Variants in TNFRSF11A observed in about 807,000 individuals in gnomAD.
TNFRSF11A encodes the protein tumor necrosis factor receptor superfamily member 11A.
A neutral mutation model predicts 55.7 loss-of-function variants in TNFRSF11A; 32 were observed. The observed-to-expected ratio is 0.57, with a 90% CI of 0.43 to 0.77. The LOEUF is 0.77. TNFRSF11A is among the 30% of genes least tolerant of loss of function. TNFRSF11A has a pLI of 0.00. For missense variants in TNFRSF11A, 753 were observed against 809.8 expected (o/e 0.93, Z 0.85); for synonymous variants, 311 against 331.0 (o/e 0.94, Z 0.65).
At chr18:62,358,225 G>GTTTTTT in intron 4 of TNFRSF11A, 23 bp from the exon 5 acceptor site, 2 of 1,460,790 alleles carry the variant, frequency 1.4e-6, no homozygotes, top group Non-Finnish European at 1.9e-6. Flanking sequence ...TGTCTGGGTT[G>GTTTTTT]TTTTTTTTTT....
chr18:62,379,014 C>T (rs900878367), intron 9 of TNFRSF11A, among the ~76,000 whole-genome samples: 4 of 152,278 alleles, frequency 2.6e-5, no homozygotes, highest in African/African-American at 9.6e-5. Flanking sequence ...TGGATTATGA[C>T]GTGCCATGGA....
chr18:62,364,084 G>A (rs776356337), intron 7 of TNFRSF11A, among the ~76,000 whole-genome samples: 8 of 152,314 alleles, frequency 5.3e-5, no homozygotes, highest in Non-Finnish European at 1.2e-4. Context: ...GCAAGAGAAG[G>A]TGCTGAGCAC....
intron 7 of TNFRSF11A, among the ~76,000 whole-genome samples, chr18:62,362,324 G>C (rs7240316): frequency 0.42 from 63,806 of 151,330 alleles, 13,993 homozygotes; most frequent in Middle Eastern, 0.53. Context: ...AACCCCATCT[G>C]TACTAAAAAT....
chr18:62,353,116 GA>G (rs1442891840), intron 3 of TNFRSF11A, among the ~76,000 whole-genome samples: 2 of 152,142 alleles, frequency 1.3e-5, no homozygotes, highest in Non-Finnish European at 2.9e-5. Flanking sequence ...AAGTCACCGT[GA>G]ACACTGAATT....
At position 62,349,821 on chromosome 18, in the gene TNFRSF11A, T is replaced by C; in HGVS notation, c.167T>C (p.Met56Thr). 6.2e-7 allele frequency: 1 copy of C among 1,614,086 alleles called. No homozygotes were observed. Among genetic ancestry groups the C allele is most frequent in the South Asian group, 1.1e-5 (1 of 91,082 alleles). The change falls in exon 3 of 10, where the codon ATG (methionine) becomes ACG (threonine). Residue 56 changes from methionine (M) to threonine (T), a missense_variant. By Grantham distance (81) the Met-to-Thr change is moderately conservative. Transcript: ENST00000586569. ...CCCTCATTTTTTTAAGGAAAGTACA[T>C]GTCTTCTAAATGCACTACTACCTCT... ...CCNKCEPGKY[M>T]SSKCTTTSDS...
rs369489962 is a variant in TNFRSF11A, at chr18:62,384,834, G to A, written c.1651G>A (p.Val551Ile). ...CAAGGGCGACATCATCGTGGTCTAC[G>A]TCAGCCAGACCTCGCAGGAGGGCGC... Reference protein sequence around the residue: ...NFKGDIIVVYVSQTSQEGAAA... With the variant: ...NFKGDIIVVYISQTSQEGAAA... Residue 551 changes from valine (V) to isoleucine (I), a missense_variant, in exon 10 of 10, where the codon GTC becomes ATC. Coordinates refer to ENST00000586569, the MANE Select transcript of TNFRSF11A (RefSeq NM_003839.4). 1.2e-6 allele frequency: 2 copies of A among 1,611,258 alleles called. No individual in the cohort carries two copies. Among genetic ancestry groups the A allele is most frequent in the Non-Finnish European group, 1.7e-6 (2 of 1,179,040 alleles).
chr18:62,390,655 G>T lies in TNFRSF11A; in HGVS notation c.*5621G>T, dbSNP rs1444596694. On this transcript the variant is annotated 3_prime_UTR_variant, in exon 10 of 10. Transcript: ENST00000586569. Reference sequence around the variant, plus strand: ...GAGAAAAACGACATTCTTATGGTGAGGCTCTTAGAGACTGTCTCCATTTAA... The same window carrying T: ...GAGAAAAACGACATTCTTATGGTGATGCTCTTAGAGACTGTCTCCATTTAA... The T allele has an allele frequency of 6.6e-6, 1 of 152,200 alleles. No homozygotes were observed. The highest frequency in any genetic ancestry group is 1.9e-4 in the East Asian group (1 of 5,202). 9.4% of individuals were successfully genotyped at this position (152,200 alleles called of 1,614,324 possible).
intron 1 of TNFRSF11A, among the ~76,000 whole-genome samples, chr18:62,332,687 G>C (rs1355299993): frequency 1.3e-5 from 2 of 152,022 alleles, no homozygotes; most frequent in Admixed American, 6.6e-5. Context: ...CCCTTCCCCA[G>C]GGTTATTCAT....
Position 62,368,797 on chromosome 18 carries a change from A to G in TNFRSF11A, c.880A>G (p.Thr294Ala), listed in dbSNP as rs747314306. 2.7e-5 allele frequency: 43 copies of G among 1,614,126 alleles called. No homozygotes were observed. Among genetic ancestry groups the G allele is most frequent in the Admixed American group, 1.2e-4 (7 of 60,014 alleles). The change falls in exon 9 of 10, where the codon ACA becomes GCA. Residue 294 changes from threonine (T) to alanine (A), a missense_variant. Thr to Ala is a moderately conservative substitution (Grantham distance 58). This residue lies in a region of TNFRSF11A where 567 missense variants were observed against 596.7 expected (regional missense o/e 0.95). Coordinates refer to ENST00000586569, the MANE Select transcript of TNFRSF11A (RefSeq NM_003839.4). ...GVLLLTLEEK[T>A]FPEDMCYPDQ... ...CTTACTGCTGACTCTGGAGGAGAAG[A>G]CATTTCCAGAAGATATGTGCTACCC...
chr18:62,358,996 A>G (rs182822282), intron 5 of TNFRSF11A, among the ~76,000 whole-genome samples: 7 of 152,364 alleles, frequency 4.6e-5, no homozygotes, highest in Admixed American at 1.3e-4. Context: ...GAGTAAATCT[A>G]TAGTGGAATT....
At chr18:62,337,899 C>T (rs1600356789) in intron 1 of TNFRSF11A, among the ~76,000 whole-genome samples, 1 of 152,252 alleles carries the variant, frequency 6.6e-6, no homozygotes, top group East Asian at 1.9e-4. Context: ...TCTGATTGGT[C>T]GACTTTCAGG....
At chr18:62,352,758 G>A (rs995984360) in intron 3 of TNFRSF11A, among the ~76,000 whole-genome samples, 2 of 152,146 alleles carry the variant, frequency 1.3e-5, no homozygotes, top group Admixed American at 1.3e-4. Flanking sequence ...GAGCTGACTG[G>A]GGCCTTGGAA....
Position 62,385,070 on chromosome 18 carries a change from C to T in TNFRSF11A, c.*36C>T, listed in dbSNP as rs919558433. On this transcript the variant is annotated 3_prime_UTR_variant, in exon 10 of 10. Transcript: ENST00000586569. ...TGGCTGGGAGCCCGAAGCTCGGAGC[C>T]AGGGCTCGCGAGGGCAGCACCGCAG... 1 of 1,446,782 alleles carries T rather than the reference C, an allele frequency of 6.9e-7. No individual in the cohort carries two copies. Among genetic ancestry groups the T allele is most frequent in the African/African-American group, 1.5e-5 (1 of 67,070 alleles). The allele number at this position is 1,446,782 out of a possible 1,614,324, so 89.6% of individuals were successfully genotyped here.
At chr18:62,375,373 A>G (rs778333139) in intron 9 of TNFRSF11A, among the ~76,000 whole-genome samples, 2 of 152,152 alleles carry the variant, frequency 1.3e-5, no homozygotes, top group Non-Finnish European at 2.9e-5. Flanking sequence ...CTGGGATTAC[A>G]GGTGTGACCC....
chr18:62,329,813 A>G (rs954453308), intron 1 of TNFRSF11A, among the ~76,000 whole-genome samples: 2 of 152,218 alleles, frequency 1.3e-5, no homozygotes. Flanking sequence ...CTGGGTCACC[A>G]GAAGCTCCTT....
intron 9 of TNFRSF11A, among the ~76,000 whole-genome samples, chr18:62,381,827 T>C (rs1205857960): frequency 6.6e-6 from 1 of 152,200 alleles, no homozygotes; most frequent in Non-Finnish European, 1.5e-5. Context: ...GAATGTCCCA[T>C]TCCATGTACT....
At chr18:62,335,169 G>A (rs1008161464) in intron 1 of TNFRSF11A, among the ~76,000 whole-genome samples, 3 of 141,554 alleles carry the variant, frequency 2.1e-5, no homozygotes, top group African/African-American at 5.0e-5. Context: ...GAGTGCAGTG[G>A]CGCGATCTCA....
At chr18:62,343,564 T>C (rs933634349) in intron 1 of TNFRSF11A, among the ~76,000 whole-genome samples, 1 of 152,138 alleles carries the variant, frequency 6.6e-6, no homozygotes, top group Admixed American at 6.5e-5. Flanking sequence ...TAAATCCACA[T>C]TGCTTTATAA....
Position 62,354,456 on chromosome 18 carries a change from G to A in TNFRSF11A, c.349G>A (p.Gly117Arg). ...CCCCCGGCGCTGCGCGTGCACGGCT[G>A]GGTACCACTGGAGCCAGGACTGCGA... ...TTPRRCACTA[G>R]YHWSQDCECC... The change falls in exon 4 of 10, where the codon GGG becomes AGG. Residue 117 changes from glycine to arginine, a missense_variant. Coordinates refer to ENST00000586569, the MANE Select transcript of TNFRSF11A (RefSeq NM_003839.4). 3 of 1,600,936 alleles carry A rather than the reference G, an allele frequency of 1.9e-6. No individual in the cohort carries two copies. Among genetic ancestry groups the A allele is most frequent in the Non-Finnish European group, 2.5e-6 (3 of 1,179,094 alleles).
Sources: gnomAD v4.1 joint callset for allele counts (sites outside exome capture counted in the v4.1 genomes callset) on GRCh38, gnomAD v4.1.1 for gene constraint, gnomAD v4.1.1 regional missense constraint, MANE v1.5 for transcripts, NCBI Gene and HGNC (gene_info 2026-07-23, HGNC 2026-07-21) for gene names.